EEFSEC: variants seen among roughly 807,000 people sequenced by gnomAD.
EEFSEC encodes selenocysteine-specific elongation factor.
EEFSEC carries 43 observed loss-of-function variants against 42.1 expected under a neutral mutation model. That is an observed-to-expected ratio of 1.02 (90% CI 0.80 to 1.32). The LOEUF (loss-of-function observed/expected upper bound fraction) is 1.32. Among genes scored for constraint, EEFSEC ranks in the 40% most tolerant of loss-of-function variants. The pLI, the probability that EEFSEC is intolerant of heterozygous loss-of-function variation, is 0.00. For missense variants in EEFSEC, 745 were observed against 803.6 expected, an observed-to-expected ratio of 0.93 and a Z score of 0.88; for synonymous variants, 354 against 339.1, an observed-to-expected ratio of 1.04 and a Z score of -0.48.
chr3:128,335,622 GA>G (rs1186738680), intron 4 of EEFSEC, among the ~76,000 whole-genome samples: 2 of 152,242 alleles, frequency 1.3e-5, no homozygotes, highest in African/African-American at 4.8e-5. Flanking sequence ...TACAGAGTGA[GA>G]TGGGAGGCCA....
rs748113210 is a variant in EEFSEC, at chr3:128,341,345, G to A, written c.899G>A (p.Arg300His). ...VTQFDPKLLE[R>H]GLVCAPESLH... ...CAGTTTGACCCTAAGCTGCTGGAGC[G>A]CGGGTTGGTGTGTGCCCCCGAGTCC... Residue 300 changes from arginine (R) to histidine (H), a missense_variant, in exon 5 of 7, where the codon CGC becomes CAC. Physicochemically the swap from Arg to His is conservative, Grantham distance 29 (BLOSUM62 0). Transcript: ENST00000254730. 23 of 1,614,056 alleles carry A rather than the reference G, an allele frequency of 1.4e-5. No homozygotes were observed. Among genetic ancestry groups the A allele is most frequent in the African/African-American group, 5.3e-5 (4 of 74,916 alleles).
chr3:128,385,677 A>T (rs970345361), intron 6 of EEFSEC, among the ~76,000 whole-genome samples: 3 of 152,158 alleles, frequency 2.0e-5, no homozygotes, highest in Non-Finnish European at 4.4e-5. Flanking sequence ...GTTCCATTCC[A>T]CCACTCACTG....
At chr3:128,278,279 T>G (rs2107960715) in intron 4 of EEFSEC, among the ~76,000 whole-genome samples, 1 of 152,272 alleles carries the variant, frequency 6.6e-6, no homozygotes, top group Middle Eastern at 3.4e-3. Flanking sequence ...CCAATGGGCA[T>G]TAAAGGCATT....
In EEFSEC at chr3:128,311,555, C is replaced by T. The variant is rs180792860; in HGVS notation, c.787-29678C>T. On this transcript the variant is annotated intron_variant, in intron 4 of 6. Transcript: ENST00000254730. ...AGTGTGTGGCTGGCAGCCTGTCTTC[C>T]TCTGCAGCCATGCATGGGGAGCTTC... Among the ~76,000 whole-genome samples the T allele has an allele frequency of 3.4e-3, 512 of 152,344 alleles. 1 individual carries two copies. Among genetic ancestry groups the T allele is most frequent in the African/African-American group, 0.011 (477 of 41,574 alleles).
intron 1 of EEFSEC, among the ~76,000 whole-genome samples, chr3:128,176,745 A>G (rs2065351824): frequency 6.6e-6 from 1 of 152,174 alleles, no homozygotes; most frequent in Non-Finnish European, 1.5e-5. Flanking sequence ...TCTTGGGTAG[A>G]TTACCTTCTC....
At chr3:128,197,850 C>T (rs531864920) in intron 1 of EEFSEC, among the ~76,000 whole-genome samples, 1 of 152,272 alleles carries the variant, frequency 6.6e-6, no homozygotes, top group African/African-American at 2.4e-5. Flanking sequence ...GATGGGAAGG[C>T]AGTCCTGTCG....
intron 6 of EEFSEC, among the ~76,000 whole-genome samples, chr3:128,370,954 A>T (rs770934103): frequency 2.6e-5 from 4 of 152,318 alleles, no homozygotes; most frequent in Admixed American, 2.0e-4. Flanking sequence ...GAAGGAACAG[A>T]GTGTGCTAGG....
At chr3:128,334,406 C>T (rs2067167627) in intron 4 of EEFSEC, among the ~76,000 whole-genome samples, 1 of 152,228 alleles carries the variant, frequency 6.6e-6, no homozygotes, top group East Asian at 1.9e-4. Context: ...CCCTGACTGG[C>T]TGAGCCCCGA....
At chr3:128,268,945 A>G (rs2066384777) in intron 4 of EEFSEC, among the ~76,000 whole-genome samples, 1 of 152,190 alleles carries the variant, frequency 6.6e-6, no homozygotes, top group African/African-American at 2.4e-5. Flanking sequence ...CATGGAAAGG[A>G]CTGAAATCAG....
At chr3:128,364,934 G>C (rs1345276010) in intron 6 of EEFSEC, among the ~76,000 whole-genome samples, 1 of 152,230 alleles carries the variant, frequency 6.6e-6, no homozygotes, top group Non-Finnish European at 1.5e-5. Flanking sequence ...TCTGCCCCAG[G>C]GAGATCGAGC....
chr3:128,325,861 A>C (rs112010178), intron 4 of EEFSEC, among the ~76,000 whole-genome samples: 31 of 152,340 alleles, frequency 2.0e-4, no homozygotes, highest in African/African-American at 6.5e-4. Context: ...TGTTTTATTT[A>C]GCCATTCCTC....
chr3:128,375,938 G>A (rs1181016762), intron 6 of EEFSEC, among the ~76,000 whole-genome samples: 1 of 152,156 alleles, frequency 6.6e-6, no homozygotes, highest in African/African-American at 2.4e-5. Flanking sequence ...AAGCTAGATG[G>A]GGCTGAGAAA....
chr3:128,159,283 C>T (rs940461831), intron 1 of EEFSEC, among the ~76,000 whole-genome samples: 5 of 152,174 alleles, frequency 3.3e-5, no homozygotes, highest in African/African-American at 9.7e-5. Flanking sequence ...AACCTAACTC[C>T]GCCACCCCTA....
chr3:128,194,456 A>G (rs1205725282), intron 1 of EEFSEC, among the ~76,000 whole-genome samples: 3 of 152,210 alleles, frequency 2.0e-5, no homozygotes, highest in African/African-American at 7.2e-5. Context: ...ATAAGTTATT[A>G]GAGAACTTCA....
chr3:128,185,714 A>G (rs1016333212), intron 1 of EEFSEC, among the ~76,000 whole-genome samples: 1 of 152,218 alleles, frequency 6.6e-6, no homozygotes, highest in Non-Finnish European at 1.5e-5. Flanking sequence ...GGTGTTAGCT[A>G]CCACGCCTGG....
intron 4 of EEFSEC, among the ~76,000 whole-genome samples, chr3:128,328,349 C>A (rs146413494): frequency 2.8e-4 from 43 of 152,250 alleles, no homozygotes; most frequent in Non-Finnish European, 4.7e-4. Flanking sequence ...GTAAAAGGAG[C>A]CCATGCCTCA....
At chr3:128,392,547 C>T (rs1459625898) in intron 6 of EEFSEC, among the ~76,000 whole-genome samples, 1 of 152,240 alleles carries the variant, frequency 6.6e-6, no homozygotes, top group Non-Finnish European at 1.5e-5. Context: ...TGGGCCGAGG[C>T]ACGCGGCATC....
At chr3:128,401,941 CAG>C (rs1331503836) in intron 6 of EEFSEC, among the ~76,000 whole-genome samples, 8 of 152,218 alleles carry the variant, frequency 5.3e-5, no homozygotes, top group Non-Finnish European at 1.2e-4. Flanking sequence ...CAGAGCATGG[CAG>C]AGACAGCACC....
chr3:128,293,340 C>T lies in EEFSEC; in HGVS notation c.786+28559C>T, dbSNP rs146116549. Among the ~76,000 whole-genome samples, 292 of 152,242 alleles carry T rather than the reference C, an allele frequency of 1.9e-3. 3 individuals are homozygous for T. Among genetic ancestry groups the T allele is most frequent in the African/African-American group, 6.5e-3 (268 of 41,526 alleles). On this transcript the variant is annotated intron_variant, in intron 4 of 6. Transcript: ENST00000254730. ...GTAGAAAAGCTTCCTATAAGGACATCCTCTCCTTCTTTTGCTAATTTTCTG... is the reference window on the plus strand; with the variant it reads ...GTAGAAAAGCTTCCTATAAGGACATTCTCTCCTTCTTTTGCTAATTTTCTG...
Sources: allele counts gnomAD v4.1 joint callset (sites outside exome capture counted in the v4.1 genomes callset), GRCh38; gene constraint gnomAD v4.1.1; transcripts MANE v1.5; gene names NCBI Gene and HGNC (gene_info 2026-07-23, HGNC 2026-07-21).